Variants in UGT2A3 observed in about 807,000 individuals in gnomAD.
UGT2A3 encodes the protein UDP-glucuronosyltransferase 2A3.
A neutral mutation model predicts 44.1 loss-of-function variants in UGT2A3; 55 were observed. That is an observed-to-expected ratio of 1.25 (90% CI 1.00 to 1.56). The LOEUF is 1.56. UGT2A3 is among the 40% of genes most tolerant of loss of function. The pLI, the probability that UGT2A3 is intolerant of heterozygous loss-of-function variation, is 0.00. For synonymous variants in UGT2A3, 243 were observed against 215.1 expected (o/e 1.13, Z -1.13); for missense variants, 733 against 621.6 (o/e 1.18, Z -1.91).
chr4:68,945,214 A>G (rs1329168505), intron 2 of UGT2A3, 92 bp downstream of exon 2: 4 of 1,468,836 alleles, frequency 2.7e-6, no homozygotes, highest in Non-Finnish European at 3.8e-6. Context: ...AAGACATTCA[A>G]CATCATCCTT....
Position 68,930,090 on chromosome 4 carries a change from TA to T in UGT2A3, c.1306del (p.Tyr436IlefsTer6). Reference sequence around the variant, plus strand: ...TGATAATCTCATAGCATTCTCTTTATAACTGGAAGGGAAAAACACACATAGA... The same window carrying T: ...TGATAATCTCATAGCATTCTCTTTATACTGGAAGGGAAAAACACACATAGA... ...ALRTVITDSS[Y>X]KENAMRLSRI... On this transcript the variant is annotated frameshift_variant and splice_region_variant, in exon 6 of 6. Transcript: ENST00000251566. LOFTEE classifies it low-confidence loss of function (END_TRUNC). 6.2e-7 allele frequency: 1 copy of T among 1,603,440 alleles called. No homozygotes were observed. Among genetic ancestry groups the T allele is most frequent in the South Asian group, 1.1e-5 (1 of 90,116 alleles).
At chr4:68,943,285 G>C (rs1461097847) in intron 2 of UGT2A3, 3 of 1,257,280 alleles carry the variant, frequency 2.4e-6, no homozygotes, top group South Asian at 2.6e-5. Flanking sequence ...AGATTACCTA[G>C]AGAATGATGG....
At position 68,945,441 on chromosome 4, in the gene UGT2A3, T is replaced by G. The variant is rs374911259; in HGVS notation, c.729A>C (p.Thr243=). The stretch of plus-strand genomic sequence containing the variant: ...CAGCTTTTCCCACAGTCTCACATAA[T>G]GTAGTGGGCCTTCCTCAATAAAAGA... ...FYSKALGRPT[T]LCETVGKAEI... is the part of the protein sequence containing the mutation. The change falls in exon 2 of 6, where the codon ACA becomes ACC. Residue 243 remains threonine, a synonymous_variant. Coordinates refer to ENST00000251566, the MANE Select transcript of UGT2A3 (RefSeq NM_024743.4). 6 of 1,605,710 alleles carry G rather than the reference T, an allele frequency of 3.7e-6. No homozygotes were observed. Among genetic ancestry groups the G allele is most frequent in the South Asian group, 2.2e-5 (2 of 90,124 alleles).
At chr4:68,950,932 A>G (rs1718558997) in intron 1 of UGT2A3, 114 bp downstream of exon 1, 1 of 720,706 alleles carries the variant, frequency 1.4e-6, no homozygotes, top group Non-Finnish European at 2.1e-6. Context: ...AACAGCTACA[A>G]CATTTTCTAA....
At chr4:68,933,926 G>T (rs906508995) in intron 2 of UGT2A3, among the ~76,000 whole-genome samples, 7 of 151,950 alleles carry the variant, frequency 4.6e-5, no homozygotes, top group African/African-American at 1.7e-4. Context: ...AATCCTCAGG[G>T]CAGTGATTCA....
chr4:68,949,348 G>A (rs1313493770), intron 1 of UGT2A3, among the ~76,000 whole-genome samples: 2 of 151,780 alleles, frequency 1.3e-5, no homozygotes, highest in African/African-American at 2.4e-5. Flanking sequence ...GAATAGGGAG[G>A]CCTAAGAAGA....
intron 2 of UGT2A3, among the ~76,000 whole-genome samples, chr4:68,944,008 T>A (rs1718289208): frequency 6.6e-6 from 1 of 151,878 alleles, no homozygotes; most frequent in African/African-American, 2.4e-5. Flanking sequence ...ATTGGTTGAA[T>A]GTGCTTTTCC....
At chr4:68,946,328 A>G in intron 1 of UGT2A3, among the ~76,000 whole-genome samples, 1 of 151,684 alleles carries the variant, frequency 6.6e-6, no homozygotes, top group South Asian at 2.1e-4. Flanking sequence ...TATACACCAT[A>G]GTGTGGAGAG....
intron 2 of UGT2A3, 102 bp from the exon 3 acceptor site, chr4:68,932,861 G>A (rs1452387136): frequency 8.3e-6 from 10 of 1,205,330 alleles, no homozygotes; most frequent in East Asian, 2.5e-5. Context: ...AATTATTAAT[G>A]TGTAGTTATA....
chr4:68,944,324 A>T (rs746659315), intron 2 of UGT2A3, among the ~76,000 whole-genome samples: 1 of 151,822 alleles, frequency 6.6e-6, no homozygotes, highest in Non-Finnish European at 1.5e-5. Context: ...TGTTCATCAG[A>T]ATAAAAAGTA....
intron 2 of UGT2A3, among the ~76,000 whole-genome samples, chr4:68,943,875 G>T (rs951578055): frequency 6.6e-6 from 1 of 151,674 alleles, no homozygotes; most frequent in South Asian, 2.1e-4. Context: ...CATGGACTTT[G>T]TGCCTGCTTG....
chr4:68,928,744 T>G lies in UGT2A3; in HGVS notation c.*1069A>C, dbSNP rs1471848338. On this transcript the variant is annotated 3_prime_UTR_variant, in exon 6 of 6. Coordinates refer to ENST00000251566, the MANE Select transcript of UGT2A3 (RefSeq NM_024743.4). ...CATTATTACACTATATTTAGCTTTGTGTAGAGCTTTACATATCAAAATATT... is the reference window on the plus strand; with the variant it reads ...CATTATTACACTATATTTAGCTTTGGGTAGAGCTTTACATATCAAAATATT... 6.6e-6 allele frequency: 1 copy of G among 151,954 alleles called. No homozygotes were observed. Among genetic ancestry groups the G allele is most frequent in the Non-Finnish European group, 1.5e-5 (1 of 67,904 alleles). 9.4% of individuals were successfully genotyped at this position (151,954 alleles called of 1,614,324 possible). A position where few individuals can be genotyped will look rare whatever the true frequency, so the allele number is the denominator to read the frequency against.
chr4:68,945,534 A>C (rs1190736703), intron 1 of UGT2A3, 80 bp from the exon 2 acceptor site: 1 of 1,311,976 alleles, frequency 7.6e-7, no homozygotes, highest in Non-Finnish European at 1.0e-6. Flanking sequence ...GTAAGCTATT[A>C]AGAAAAAAAT....
chr4:68,933,927 C>T (rs1277669362), intron 2 of UGT2A3, among the ~76,000 whole-genome samples: 1 of 151,944 alleles, frequency 6.6e-6, no homozygotes, highest in Non-Finnish European at 1.5e-5. Flanking sequence ...ATCCTCAGGG[C>T]AGTGATTCAG....
intron 2 of UGT2A3, among the ~76,000 whole-genome samples, chr4:68,935,615 A>G (rs1261990805): frequency 2.0e-5 from 3 of 152,198 alleles, no homozygotes; most frequent in Middle Eastern, 3.4e-3. Context: ...AAACCAGAGC[A>G]GAAAAGCTGA....
chr4:68,950,488 A>G (rs762569513), intron 1 of UGT2A3, among the ~76,000 whole-genome samples: 2 of 152,030 alleles, frequency 1.3e-5, no homozygotes, highest in African/African-American at 2.4e-5. Flanking sequence ...GCAAGGAAAT[A>G]AAAATAAGTC....
chr4:68,936,763 T>G (rs1268487110), intron 2 of UGT2A3, among the ~76,000 whole-genome samples: 2 of 151,528 alleles, frequency 1.3e-5, no homozygotes, highest in Non-Finnish European at 2.9e-5. Context: ...AGACACAGAC[T>G]GGCAAATTGT....
chr4:68,934,542 A>C (rs1459903513), intron 2 of UGT2A3, among the ~76,000 whole-genome samples: 1 of 152,010 alleles, frequency 6.6e-6, no homozygotes, highest in Middle Eastern at 3.2e-3. Flanking sequence ...AAATGAAACA[A>C]ACCAGAAAAG....
At chr4:68,942,199 T>C (rs1718212510) in intron 2 of UGT2A3, among the ~76,000 whole-genome samples, 1 of 151,518 alleles carries the variant, frequency 6.6e-6, no homozygotes, top group African/African-American at 2.4e-5. Context: ...ATTATTCATA[T>C]ACCCAAGGGA....
Sources: allele counts gnomAD v4.1 joint callset (sites outside exome capture counted in the v4.1 genomes callset), GRCh38; gene constraint gnomAD v4.1.1; transcripts MANE v1.5; gene names NCBI Gene and HGNC (gene_info 2026-07-23, HGNC 2026-07-21).